CERT1: variants seen among roughly 807,000 people sequenced by gnomAD.
CERT1 encodes the protein ceramide transfer protein.
A neutral mutation model predicts 87.9 loss-of-function variants in CERT1; 31 were observed. The ratio of observed to expected loss-of-function variants is 0.35; its 90% confidence interval spans 0.27 to 0.48. The LOEUF is 0.48. Ranked by LOEUF, CERT1 falls within the 20% of genes least tolerant of loss-of-function variation. The pLI, the probability that CERT1 is intolerant of heterozygous loss-of-function variation, is 0.99. For synonymous variants in CERT1, 289 were observed against 250.9 expected (o/e 1.15, Z -1.44); for missense variants, 487 against 758.0 (o/e 0.64, Z 4.20).
chr5:75,393,602 T>TTAAAAAAAAAAAAAAAAAAA (rs1179766169), intron 11 of CERT1, among the ~76,000 whole-genome samples: 2 of 32,754 alleles, frequency 6.1e-5, no homozygotes, highest in East Asian at 2.3e-3. Context: ...CTCATCTACT[T>TTAAAAAAAAAAAAAAAAAAA]AAAAAAAAAA....
intron 11 of CERT1, among the ~76,000 whole-genome samples, chr5:75,392,059 A>G (rs964349733): frequency 6.6e-6 from 1 of 152,226 alleles, no homozygotes; most frequent in Non-Finnish European, 1.5e-5. Flanking sequence ...ATTATTCTGA[A>G]TTAGGGATTT....
chr5:75,430,514 G>A (rs2112204948), intron 3 of CERT1, among the ~76,000 whole-genome samples: 1 of 152,264 alleles, frequency 6.6e-6, no homozygotes, highest in African/African-American at 2.4e-5. Context: ...AACAAGAGCA[G>A]GCCAGAGTAC....
At position 75,480,046 on chromosome 5, in the gene CERT1, AC is replaced by A. The variant is rs201986655; in HGVS notation, c.232-20866del. 2.1e-3 allele frequency among the ~76,000 whole-genome samples: 318 copies of A among 152,252 alleles called. 1 individual carries two copies. The East Asian group carries it at 0.028, about 13-fold the overall frequency. On this transcript the variant is annotated intron_variant, in intron 2 of 16. Coordinates refer to ENST00000643780, the MANE Select transcript of CERT1 (RefSeq NM_001379029.1). Reference sequence around the variant, plus strand: ...TCTTAACATATATTCCATGGACCTTACCTTCTAGTTTCAAGGAGATACAGAA... The same window carrying A: ...TCTTAACATATATTCCATGGACCTTACTTCTAGTTTCAAGGAGATACAGAA...
intron 11 of CERT1, among the ~76,000 whole-genome samples, chr5:75,396,951 A>G (rs6453133): frequency 0.45 from 69,103 of 151,916 alleles, 19,530 homozygotes; most frequent in African/African-American, 0.81. Context: ...ATGTTTCTCA[A>G]CTAATATTAA....
intron 3 of CERT1, among the ~76,000 whole-genome samples, chr5:75,451,072 T>A (rs1764750229): frequency 6.6e-6 from 1 of 152,346 alleles, no homozygotes; most frequent in East Asian, 1.9e-4. Flanking sequence ...GAATTGTTTT[T>A]ATTCCAGAAG....
At chr5:75,430,966 A>G (rs1307885695) in intron 3 of CERT1, among the ~76,000 whole-genome samples, 4 of 152,188 alleles carry the variant, frequency 2.6e-5, no homozygotes, top group Non-Finnish European at 5.9e-5. Flanking sequence ...CCTTGCATCC[A>G]GAAGTTCGAG....
At chr5:75,421,434 T>C (rs1763374971) in intron 5 of CERT1, among the ~76,000 whole-genome samples, 1 of 152,202 alleles carries the variant, frequency 6.6e-6, no homozygotes, top group Admixed American at 6.5e-5. Context: ...TAAACTATTA[T>C]CTATTAATAC....
At chr5:75,435,049 T>A (rs1764032103) in intron 3 of CERT1, among the ~76,000 whole-genome samples, 1 of 152,206 alleles carries the variant, frequency 6.6e-6, no homozygotes, top group South Asian at 2.1e-4. Flanking sequence ...TTCTAGTTCA[T>A]CATGGTGATG....
chr5:75,431,586 A>G (rs890785197), intron 3 of CERT1, among the ~76,000 whole-genome samples: 2 of 152,238 alleles, frequency 1.3e-5, no homozygotes, highest in Non-Finnish European at 2.9e-5. Flanking sequence ...AATGTTGGAC[A>G]TAAATTATTA....
intron 3 of CERT1, among the ~76,000 whole-genome samples, chr5:75,448,959 T>C (rs953143831): frequency 1.4e-4 from 22 of 152,316 alleles, no homozygotes; most frequent in African/African-American, 5.3e-4. Flanking sequence ...GTAACCTAAA[T>C]TGTTAGTGGC....
At position 75,490,220 on chromosome 5, in the gene CERT1, T is replaced by C. The variant is rs139930088; in HGVS notation, c.231+15762A>G. Among the ~76,000 whole-genome samples the C allele has an allele frequency of 4.8e-3, 735 of 152,170 alleles. 3 individuals are homozygous for C. Among genetic ancestry groups the C allele is most frequent in the Non-Finnish European group, 8.0e-3 (543 of 68,012 alleles). ...GGGAGGTTGGGGACAAGGGGAGGCA[T>C]AGCATTAGCAGAAATACCTAGTGTA... is the stretch of plus-strand genomic sequence containing the variant. On this transcript the variant is annotated intron_variant, in intron 2 of 16. Coordinates refer to ENST00000643780, the MANE Select transcript of CERT1 (RefSeq NM_001379029.1).
intron 2 of CERT1, among the ~76,000 whole-genome samples, chr5:75,480,541 G>A (rs948966941): frequency 1.3e-5 from 2 of 152,176 alleles, no homozygotes; most frequent in African/African-American, 2.4e-5. Flanking sequence ...CATGCCCTAC[G>A]TAATATACGC....
chr5:75,432,611 T>C (rs146202969), intron 3 of CERT1, among the ~76,000 whole-genome samples: 8 of 152,230 alleles, frequency 5.3e-5, no homozygotes, highest in Admixed American at 3.9e-4. Context: ...AGACCTTTGT[T>C]GTATGCATAG....
chr5:75,508,293 A>C (rs1034310906), intron 1 of CERT1, among the ~76,000 whole-genome samples: 3 of 152,226 alleles, frequency 2.0e-5, no homozygotes, highest in African/African-American at 4.8e-5. Context: ...TTTAAACAAG[A>C]ATAGACTTAG....
chr5:75,444,537 G>GCTTTT (rs1281896416), intron 3 of CERT1, among the ~76,000 whole-genome samples: 5 of 147,106 alleles, frequency 3.4e-5, no homozygotes, highest in South Asian at 2.1e-4. Flanking sequence ...AGTTGATTTT[G>GCTTTT]CTTTTCTTTT....
intron 3 of CERT1, among the ~76,000 whole-genome samples, chr5:75,449,359 T>C (rs899119485): frequency 1.3e-5 from 2 of 152,238 alleles, no homozygotes; most frequent in African/African-American, 4.8e-5. Flanking sequence ...ATTGGAGTTT[T>C]GTTAACAATA....
intron 2 of CERT1, among the ~76,000 whole-genome samples, chr5:75,503,482 T>C (rs1767480160): frequency 6.6e-6 from 1 of 151,996 alleles, no homozygotes; most frequent in South Asian, 2.1e-4. Context: ...AAACTCATCC[T>C]GAGTTCACTG....
chr5:75,511,509 G>A lies in CERT1; in HGVS notation c.-302C>T, dbSNP rs541337924. The stretch of plus-strand genomic sequence containing the variant: ...GCTGCCACCCGAACTTAGCCCCCTC[G>A]ATGCCAATTTCAAATAGGGAAGGAA... On this transcript the variant is annotated 5_prime_UTR_variant, in exon 1 of 17. Coordinates refer to ENST00000643780, the MANE Select transcript of CERT1 (RefSeq NM_001379029.1). The A allele has an allele frequency of 6.8e-6, 10 of 1,476,994 alleles. No individual in the cohort carries two copies. The South Asian group carries it at 1.1e-4, about 16-fold the overall frequency. 91.5% of individuals were successfully genotyped at this position (1,476,994 alleles called of 1,614,324 possible).
rs575802056 is a variant in CERT1, at chr5:75,394,620, G to C, written c.1188+4690C>G. ...GTAGTCCTTAGCCCCCGCTACTGAG[G>C]AGACTGAGGCAGGTGGATCGCTTGA... On this transcript the variant is annotated intron_variant, in intron 11 of 16. Coordinates refer to ENST00000643780, the MANE Select transcript of CERT1 (RefSeq NM_001379029.1). 1.5e-4 allele frequency among the ~76,000 whole-genome samples: 23 copies of C among 152,282 alleles called. No individual in the cohort carries two copies. In the East Asian group the frequency reaches 4.4e-3, roughly 29 times the overall value.
Sources: gnomAD v4.1 joint callset for allele counts (sites outside exome capture counted in the v4.1 genomes callset) on GRCh38, gnomAD v4.1.1 for gene constraint, MANE v1.5 for transcripts, NCBI Gene and HGNC (gene_info 2026-07-23, HGNC 2026-07-21) for gene names.